TIAM1: variants seen among roughly 807,000 people sequenced by gnomAD.
TIAM1 encodes the protein rho guanine nucleotide exchange factor TIAM1.
In TIAM1, 65 loss-of-function variants were observed where a neutral mutation model predicts 163.5. The ratio of observed to expected loss-of-function variants is 0.40; its 90% CI spans 0.33 to 0.49. The LOEUF is 0.49. Ranked by LOEUF, TIAM1 falls within the 20% of genes least tolerant of loss-of-function variation. The pLI, the probability that TIAM1 is intolerant of heterozygous loss-of-function variation, is 0.77. For synonymous variants in TIAM1, 833 were observed against 810.1 expected, an observed-to-expected ratio of 1.03 and a Z score of -0.48; for missense variants, 1,789 against 2,044.7, an observed-to-expected ratio of 0.87 and a Z score of 2.41.
chr21:31,179,442 G>A (rs1423837230), intron 15 of TIAM1, among the ~76,000 whole-genome samples: 1 of 151,738 alleles, frequency 6.6e-6, no homozygotes, highest in East Asian at 1.9e-4. Flanking sequence ...AACATAAACT[G>A]GAGGACAAAA....
chr21:31,508,158 A>G (rs1252291319), intron 1 of TIAM1, among the ~76,000 whole-genome samples: 1 of 152,156 alleles, frequency 6.6e-6, no homozygotes. Flanking sequence ...GAGCCTTCAG[A>G]GTGAACGTGG....
intron 15 of TIAM1, among the ~76,000 whole-genome samples, chr21:31,170,596 T>C (rs2084454081): frequency 6.6e-6 from 1 of 152,114 alleles, no homozygotes; most frequent in African/African-American, 2.4e-5. Context: ...ATTACAGTAA[T>C]CTAAAGCAGT....
At chr21:31,348,166 G>A (rs935652699), upstream of TIAM1, among the ~76,000 whole-genome samples, 1 of 152,138 alleles carries the variant, frequency 6.6e-6, no homozygotes, top group East Asian at 1.9e-4. Context: ...CATTCTCAGT[G>A]ACAGAGATGA....
chr21:31,259,825 T>A (rs951382721), intron 4 of TIAM1, among the ~76,000 whole-genome samples: 21 of 151,210 alleles, frequency 1.4e-4, no homozygotes, highest in African/African-American at 4.7e-4. Context: ...TGCAAGAGAG[T>A]GAATGCAAAA....
chr21:31,225,988 T>C (rs913738548), intron 6 of TIAM1, 38 bp from the exon 7 acceptor site: 24 of 1,574,818 alleles, frequency 1.5e-5, no homozygotes, highest in African/African-American at 5.4e-5. Context: ...AAAAGGCACC[T>C]CTTAGGAACT....
At chr21:31,232,858 A>G (rs980244486) in intron 6 of TIAM1, among the ~76,000 whole-genome samples, 4 of 151,992 alleles carry the variant, frequency 2.6e-5, no homozygotes, top group Non-Finnish European at 4.4e-5. Context: ...AGACAGGTAA[A>G]GAGAGAGGGA....
At chr21:31,152,957 A>T in intron 18 of TIAM1, 109 bp downstream of exon 18, 1 of 1,332,014 alleles carries the variant, frequency 7.5e-7, no homozygotes, top group Non-Finnish European at 1.0e-6. Context: ...AGTTACAATT[A>T]AATAAATTTA....
intron 1 of TIAM1, among the ~76,000 whole-genome samples, chr21:31,520,494 C>A (rs1482181114): frequency 1.3e-5 from 2 of 152,172 alleles, no homozygotes; most frequent in Admixed American, 6.5e-5. Flanking sequence ...TGAAATTTCT[C>A]TTAAAAAGAG....
chr21:31,475,630 G>A (rs2045913608), intron 1 of TIAM1, among the ~76,000 whole-genome samples: 1 of 152,158 alleles, frequency 6.6e-6, no homozygotes, highest in Non-Finnish European at 1.5e-5. Context: ...ATGGCCAGCT[G>A]GGTCTAGTGA....
chr21:31,499,387 G>A (rs749753947), intron 1 of TIAM1, among the ~76,000 whole-genome samples: 10 of 150,860 alleles, frequency 6.6e-5, no homozygotes, highest in South Asian at 2.1e-4. Context: ...CGGTGAAATC[G>A]CATCTCTATA....
chr21:31,451,134 C>G (rs2044821484), intron 2 of TIAM1, among the ~76,000 whole-genome samples: 1 of 152,088 alleles, frequency 6.6e-6, no homozygotes, highest in Non-Finnish European at 1.5e-5. Flanking sequence ...TAGGCCCCGG[C>G]ATCTGCGTCA....
At chr21:31,158,888 T>C (rs778282158) in intron 16 of TIAM1, among the ~76,000 whole-genome samples, 3 of 152,132 alleles carry the variant, frequency 2.0e-5, no homozygotes, top group Non-Finnish European at 2.9e-5. Context: ...TTCAAGGCTT[T>C]GCCCCGCTCC....
chr21:31,124,212 C>G lies in TIAM1; in HGVS notation c.4306+310G>C, dbSNP rs55728960. 5.8e-3 allele frequency: 1,595 copies of G among 275,192 alleles called. 25 individuals carry two copies. The highest frequency in any genetic ancestry group is 0.033 in the African/African-American group (1,510 of 45,712). 17.0% of individuals were successfully genotyped at this position (275,192 alleles called of 1,614,324 possible). A position where few individuals can be genotyped will look rare whatever the true frequency, so the allele number is the denominator to read the frequency against. ...CATTCTGCAAGCAGGCTGAGACAGCCTCTCCAGAAAGAGGATGTGTCTGCA... is the reference window on the plus strand; with the variant it reads ...CATTCTGCAAGCAGGCTGAGACAGCGTCTCCAGAAAGAGGATGTGTCTGCA... On this transcript the variant is annotated intron_variant, in intron 27 of 27. Transcript: ENST00000541036.
Position 31,507,708 on chromosome 21 carries a change from A to G in TIAM1, c.-421-43673T>C, listed in dbSNP as rs182243003. On this transcript the variant is annotated intron_variant, in intron 1 of 28. Coordinates refer to the TIAM1 transcript ENST00000286827. ...GGACTCACAGTCTAGCAGGAGGGACAGACAGGAATCAGATCACAGGCAGCT... is the reference window on the plus strand; with the variant it reads ...GGACTCACAGTCTAGCAGGAGGGACGGACAGGAATCAGATCACAGGCAGCT... 2.8e-3 allele frequency among the ~76,000 whole-genome samples: 423 copies of G among 152,332 alleles called. 2 individuals are homozygous for G. Among genetic ancestry groups the G allele is most frequent in the Non-Finnish European group, 4.6e-3 (312 of 68,032 alleles).
intron 1 of TIAM1, among the ~76,000 whole-genome samples, chr21:31,511,316 C>A (rs929115553): frequency 6.6e-6 from 1 of 152,162 alleles, no homozygotes; most frequent in Non-Finnish European, 1.5e-5. Context: ...ACATAGAAAG[C>A]CTCCGTCAAC....
intron 15 of TIAM1, among the ~76,000 whole-genome samples, chr21:31,180,691 A>C (rs545111312): frequency 1.3e-5 from 2 of 152,332 alleles, no homozygotes; most frequent in South Asian, 4.1e-4. Flanking sequence ...TTCCAGAAAC[A>C]ACTCTATCTG....
In TIAM1 at chr21:31,202,947, C is replaced by T. The variant is rs775124644; in HGVS notation, c.2454G>A (p.Gln818=). ...RLKFLIENKM[Q]LYVPQPEEDI... ...CTTCCTCGGGCTGTGGAACATAGAG[C>T]TGCATTTTGTTTTCTATTAGAAATT... The change falls in exon 12 of 28, where the codon CAG becomes CAA. Residue 818 remains glutamine (Q), a synonymous_variant. Coordinates refer to ENST00000541036, the MANE Select transcript of TIAM1 (RefSeq NM_001353694.2). 1.9e-6 allele frequency: 3 copies of T among 1,614,124 alleles called. No homozygotes were observed. Among genetic ancestry groups the T allele is most frequent in the African/African-American group, 2.7e-5 (2 of 75,040 alleles).
At chr21:31,555,907 G>T (rs1055467930) in intron 1 of TIAM1, among the ~76,000 whole-genome samples, 2 of 152,056 alleles carry the variant, frequency 1.3e-5, no homozygotes, top group Non-Finnish European at 2.9e-5. Context: ...CAGGAATCTG[G>T]GGGGAAGGAG....
In TIAM1 at chr21:31,179,902, ATTT is replaced by A. The variant is rs764892757; in HGVS notation, c.2887+2516_2887+2518del. On this transcript the variant is annotated intron_variant, in intron 15 of 27. Transcript: ENST00000541036. ...CGTACACGTACATATACATACACAG[ATTT>A]TTTTTTTTTTTTTTTTTTGAGACGG... 8.2e-3 allele frequency among the ~76,000 whole-genome samples: 1,072 copies of A among 131,234 alleles called. 11 individuals are homozygous for A. Among genetic ancestry groups the A allele is most frequent in the African/African-American group, 0.029 (957 of 33,314 alleles). The allele number at this position is 131,234 out of a possible 152,430, so 86.1% of individuals were successfully genotyped here. A position where few individuals can be genotyped will look rare whatever the true frequency, so the allele number is the denominator to read the frequency against.
Sources: gnomAD v4.1 joint callset for allele counts (sites outside exome capture counted in the v4.1 genomes callset) on GRCh38, gnomAD v4.1.1 for gene constraint, MANE v1.5 for transcripts, NCBI Gene and HGNC (gene_info 2026-07-23, HGNC 2026-07-21) for gene names.